Variants in PACRG observed in about 807,000 individuals in gnomAD.
PACRG encodes parkin coregulated gene protein.
Under a neutral mutation model 29.7 loss-of-function variants are expected in PACRG, and 29 were observed. The observed-to-expected ratio is 0.98, with a 90% CI of 0.73 to 1.33. PACRG has a LOEUF of 1.33. Among genes scored for constraint, PACRG ranks in the 40% most tolerant of loss-of-function variants. The probability of loss-of-function intolerance (pLI) is 0.00; values close to 1 mark genes in which losing one functional copy is unlikely to be tolerated. For missense variants in PACRG, 279 were observed against 316.2 expected, an observed-to-expected ratio of 0.88 and a Z score of 0.89; for synonymous variants, 116 against 118.7, an observed-to-expected ratio of 0.98 and a Z score of 0.15.
intron 1 of PACRG, among the ~76,000 whole-genome samples, chr6:162,810,356 T>C (rs961931856): frequency 1.3e-5 from 2 of 152,100 alleles, no homozygotes; most frequent in Non-Finnish European, 2.9e-5. Flanking sequence ...AGCTTTAAGA[T>C]CTCATAATAT....
intron 1 of PACRG, among the ~76,000 whole-genome samples, chr6:162,730,778 C>A (rs1456615945): frequency 6.6e-6 from 1 of 152,136 alleles, no homozygotes. Flanking sequence ...ACAAGCATCA[C>A]AAAAGCCCTG....
intron 4 of PACRG, among the ~76,000 whole-genome samples, chr6:163,299,491 A>T (rs1299957473): frequency 1.3e-5 from 2 of 152,216 alleles, no homozygotes; most frequent in Non-Finnish European, 2.9e-5. Context: ...CGAGGCCAGG[A>T]AGGTTGCCTG....
chr6:162,739,310 A>G (rs1289374313), intron 1 of PACRG, among the ~76,000 whole-genome samples: 1 of 152,062 alleles, frequency 6.6e-6, no homozygotes, highest in East Asian at 1.9e-4. Context: ...TTTAGTGTGC[A>G]TATTCATAGC....
chr6:163,040,110 C>T (rs1352615434), intron 2 of PACRG, among the ~76,000 whole-genome samples: 2 of 152,196 alleles, frequency 1.3e-5, no homozygotes, highest in Admixed American at 1.3e-4. Flanking sequence ...CTGAGCGGCC[C>T]CAGGATATGG....
chr6:162,912,633 G>A (rs1462711179), intron 2 of PACRG, among the ~76,000 whole-genome samples: 9 of 148,938 alleles, frequency 6.0e-5, no homozygotes, highest in South Asian at 4.2e-4. Flanking sequence ...GTGCAGTGGC[G>A]CAATCTCAGC....
chr6:163,171,699 A>G (rs1779094641), intron 4 of PACRG, among the ~76,000 whole-genome samples: 1 of 152,214 alleles, frequency 6.6e-6, no homozygotes, highest in Non-Finnish European at 1.5e-5. Flanking sequence ...CTGGGCAGTG[A>G]TAAGGTAGTA....
intron 2 of PACRG, among the ~76,000 whole-genome samples, chr6:162,967,060 T>C (rs561112586): frequency 7.2e-5 from 11 of 152,084 alleles, no homozygotes; most frequent in African/African-American, 2.7e-4. Context: ...TATGGTTTCC[T>C]TTTCCCCCTT....
At chr6:163,094,928 G>C (rs187509903) in intron 4 of PACRG, among the ~76,000 whole-genome samples, 1 of 152,036 alleles carries the variant, frequency 6.6e-6, no homozygotes, top group East Asian at 1.9e-4. Context: ...CTTCCCCCTC[G>C]GTATTCACTT....
chr6:162,952,222 G>A (rs1413732346), intron 2 of PACRG, among the ~76,000 whole-genome samples: 1 of 152,054 alleles, frequency 6.6e-6, no homozygotes. Context: ...CAGTGCTAAA[G>A]GAAAAATGGA....
chr6:162,775,366 T>C (rs1373358143), intron 1 of PACRG, among the ~76,000 whole-genome samples: 1 of 152,250 alleles, frequency 6.6e-6, no homozygotes, highest in Non-Finnish European at 1.5e-5. Context: ...GCTTACCTGT[T>C]ACTAGTAATC....
At chr6:163,254,096 G>A (rs937754716) in intron 4 of PACRG, among the ~76,000 whole-genome samples, 1 of 152,210 alleles carries the variant, frequency 6.6e-6, no homozygotes, top group Non-Finnish European at 1.5e-5. Context: ...TCTGCATCTT[G>A]GGCATCGGGA....
intron 4 of PACRG, among the ~76,000 whole-genome samples, chr6:163,210,805 A>G (rs1781105346): frequency 6.6e-6 from 1 of 152,234 alleles, no homozygotes; most frequent in Non-Finnish European, 1.5e-5. Context: ...GGACATGTTA[A>G]GTAAGAAACA....
intron 2 of PACRG, among the ~76,000 whole-genome samples, chr6:162,969,515 G>A (rs4426975): frequency 0.67 from 102,272 of 151,792 alleles, 34,625 homozygotes; most frequent in East Asian, 0.79. Flanking sequence ...AGAAGCAAAA[G>A]TGACCTTCAA....
At chr6:163,224,719 C>G (rs1781719767) in intron 4 of PACRG, among the ~76,000 whole-genome samples, 1 of 152,224 alleles carries the variant, frequency 6.6e-6, no homozygotes, top group Non-Finnish European at 1.5e-5. Flanking sequence ...AGAGTTGGAA[C>G]TGTAAAACTG....
At chr6:163,308,039 A>G (rs1785255736) in intron 4 of PACRG, among the ~76,000 whole-genome samples, 2 of 152,186 alleles carry the variant, frequency 1.3e-5, no homozygotes, top group South Asian at 4.1e-4. Context: ...AAACAAACAC[A>G]TTTCTGGCAA....
intron 4 of PACRG, among the ~76,000 whole-genome samples, chr6:163,214,265 A>T (rs2128156281): frequency 6.6e-6 from 1 of 152,262 alleles, no homozygotes; most frequent in East Asian, 1.9e-4. Flanking sequence ...AAATAGCCAC[A>T]TGTGGCTAGT....
intron 2 of PACRG, among the ~76,000 whole-genome samples, chr6:163,058,949 C>T (rs1476641948): frequency 3.4e-5 from 5 of 147,576 alleles, no homozygotes; most frequent in East Asian, 2.0e-4. Context: ...TGTGTTGGTG[C>T]GTGCCTGTAA....
chr6:163,075,162 G>A (rs1459749233), intron 3 of PACRG, among the ~76,000 whole-genome samples: 1 of 152,068 alleles, frequency 6.6e-6, no homozygotes, highest in Non-Finnish European at 1.5e-5. Context: ...AATGATCAAG[G>A]TGGAAAATAT....
At chr6:163,040,840 G>A (rs1707893692) in intron 2 of PACRG, among the ~76,000 whole-genome samples, 1 of 152,186 alleles carries the variant, frequency 6.6e-6, no homozygotes, top group African/African-American at 2.4e-5. Flanking sequence ...AGGCTCATAG[G>A]TGGAAGGTAC....
Sources: gnomAD v4.1 joint callset for allele counts (sites outside exome capture counted in the v4.1 genomes callset) on GRCh38, gnomAD v4.1.1 for gene constraint, MANE v1.5 for transcripts, NCBI Gene and HGNC (gene_info 2026-07-23, HGNC 2026-07-21) for gene names.